Variants in LDLRAP1 observed in about 807,000 individuals in gnomAD.
LDLRAP1 encodes low density lipoprotein receptor adaptor protein 1, also known as low density lipoprotein receptor adapter protein 1.
A neutral mutation model predicts 37.8 loss-of-function variants in LDLRAP1; 30 were observed. The observed-to-expected ratio is 0.79, with a 90% confidence interval of 0.59 to 1.08. The LOEUF (loss-of-function observed/expected upper bound fraction) is 1.08. LDLRAP1 is among the 50% of genes least tolerant of loss of function. The probability of loss-of-function intolerance (pLI) is 0.00; values close to 1 mark genes in which losing one functional copy is unlikely to be tolerated. For synonymous variants in LDLRAP1, 156 were observed against 169.8 expected (o/e 0.92, Z 0.63); for missense variants, 375 against 401.6 (o/e 0.93, Z 0.57).
Position 25,562,668 on chromosome 1 carries a change from G to T in LDLRAP1, c.484G>T (p.Ala162Ser), listed in dbSNP as rs1572051282. Residue 162 changes from alanine to serine, a missense_variant, in exon 5 of 9, where the codon GCC becomes TCC. Ala to Ser is a moderately conservative substitution (Grantham distance 99, BLOSUM62 1). Coordinates refer to ENST00000374338, the MANE Select transcript of LDLRAP1 (RefSeq NM_015627.3). ...KMAQAVTLTV[A>S]QAFKVAFEFW... ...GGCACAGGCTGTTACCCTCACCGTA[G>T]CCCAGGCCTTCAAAGTCGCCTTTGA... The T allele has an allele frequency of 6.2e-7, 1 of 1,614,208 alleles. No individual in the cohort carries two copies. The highest frequency in any genetic ancestry group is 8.5e-7 in the Non-Finnish European group (1 of 1,180,032).
intron 4 of LDLRAP1, among the ~76,000 whole-genome samples, chr1:25,558,997 G>C (rs1050532768): frequency 4.6e-5 from 7 of 152,158 alleles, no homozygotes; most frequent in African/African-American, 1.7e-4. Flanking sequence ...AGAATGAGAA[G>C]GTTGCCTCAG....
At chr1:25,584,193 G>T in the LDLRAP1 span, among the ~76,000 whole-genome samples, 6 of 152,002 alleles carry the variant, frequency 3.9e-5, no homozygotes, top group Non-Finnish European at 7.4e-5. Flanking sequence ...AGCCTCCACA[G>T]TCACCTGATG....
At chr1:25,564,955 T>C (rs2044437676) in intron 7 of LDLRAP1, 1 of 580,688 alleles carries the variant, frequency 1.7e-6, no homozygotes, top group Non-Finnish European at 3.1e-6. Flanking sequence ...CCCTGGGACA[T>C]GGCCTTTCTC....
At chr1:25,565,544 C>CTT (rs34585710) in intron 8 of LDLRAP1, among the ~76,000 whole-genome samples, 8 of 142,374 alleles carry the variant, frequency 5.6e-5, no homozygotes, top group Non-Finnish European at 7.8e-5. Flanking sequence ...CAAAAATGGG[C>CTT]TTTTTTTTTT....
chr1:25,586,596 G>A, the LDLRAP1 span, among the ~76,000 whole-genome samples: 34 of 150,652 alleles, frequency 2.3e-4, no homozygotes, highest in East Asian at 6.5e-3. The surrounding 1 kb of genome is among the most constrained non-coding windows in gnomAD (Gnocchi z 4.3). Context: ...GTGTGTGTGT[G>A]TGTATGTGTT....
At chr1:25,565,485 C>G (rs1185619191) in intron 8 of LDLRAP1, among the ~76,000 whole-genome samples, 1 of 151,968 alleles carries the variant, frequency 6.6e-6, no homozygotes, top group African/African-American at 2.4e-5. Flanking sequence ...GTGAGCGAAA[C>G]ACACTGCAGC....
chr1:25,553,491 G>T (rs913124788), intron 1 of LDLRAP1: 1 of 213,974 alleles, frequency 4.7e-6, no homozygotes, highest in African/African-American at 2.3e-5. Flanking sequence ...GGATTAATGA[G>T]AACATTTTAT....
At chr1:25,553,622 C>T (rs903251285) in intron 1 of LDLRAP1, 22 of 406,562 alleles carry the variant, frequency 5.4e-5, no homozygotes, top group South Asian at 3.2e-4. Flanking sequence ...GAGGCTGAGG[C>T]GGGCAGATCA....
chr1:25,562,827 CTG>C (rs1183813677), intron 5 of LDLRAP1, 111 bp downstream of exon 5: 2 of 1,002,956 alleles, frequency 2.0e-6, no homozygotes, highest in African/African-American at 1.6e-5. Flanking sequence ...TGGCTTGTGA[CTG>C]TGAGCAGGTC....
At chr1:25,587,805 G>C in the LDLRAP1 span, among the ~76,000 whole-genome samples, 1 of 152,044 alleles carries the variant, frequency 6.6e-6, no homozygotes, top group Non-Finnish European at 1.5e-5. Flanking sequence ...TCAAATCTAG[G>C]GTCCACCGCA....
Position 25,563,141 on chromosome 1 carries a change from T to G in LDLRAP1, c.604T>G (p.Ser202Ala), listed in dbSNP as rs6687605. ...VLGARQDCTPSLKSLVATGNL... is the reference protein window; with the variant it reads ...VLGARQDCTPALKSLVATGNL... The stretch of plus-strand genomic sequence containing the variant: ...GGGGGCCCGCCAAGACTGCACCCCC[T>G]CCTTGAAGAGCTGTGAGTCCTGACG... Residue 202 changes from serine (S) to alanine (A), a missense_variant, in exon 6 of 9, where the codon TCC (serine) becomes GCC (alanine). Coordinates refer to ENST00000374338, the MANE Select transcript of LDLRAP1 (RefSeq NM_015627.3). 6.8e-6 allele frequency: 11 copies of G among 1,612,210 alleles called. No individual in the cohort carries two copies. The highest frequency in any genetic ancestry group is 6.6e-5 in the South Asian group (6 of 91,016).
intron 1 of LDLRAP1, chr1:25,550,032 G>T (rs1357504021): frequency 6.6e-6 from 1 of 152,416 alleles, no homozygotes; most frequent in Admixed American, 6.5e-5. Flanking sequence ...GACATGAATG[G>T]CAGGTACTTT....
At chr1:25,575,328 G>A in the LDLRAP1 span, among the ~76,000 whole-genome samples, 1 of 149,540 alleles carries the variant, frequency 6.7e-6, no homozygotes, top group Non-Finnish European at 1.5e-5. Context: ...GCTCATGCCT[G>A]TAATCCAAGC....
In LDLRAP1 at chr1:25,544,881, G is replaced by A. The variant is rs2043895496; in HGVS notation, c.88+1095G>A. Among the ~76,000 whole-genome samples the A allele has an allele frequency of 2.0e-5, 3 of 152,184 alleles. No individual in the cohort carries two copies. Among genetic ancestry groups the A allele is most frequent in the African/African-American group, 4.8e-5 (2 of 41,444 alleles). ...ATCCCATCCCCTCTTGGCCTTACAG[G>A]GCTCTGCCAGGGGAGCCCGAGCTCC... On this transcript the variant is annotated intron_variant, in intron 1 of 8. Transcript: ENST00000374338. The surrounding 1 kb of genome is among the most constrained non-coding windows in gnomAD (Gnocchi z 4.8).
At chr1:25,559,221 C>A (rs1202806518) in intron 4 of LDLRAP1, among the ~76,000 whole-genome samples, 1 of 152,114 alleles carries the variant, frequency 6.6e-6, no homozygotes, top group African/African-American at 2.4e-5. Context: ...CCCCATTGTT[C>A]ATCTCTTCCT....
chr1:25,566,824 G>C (rs369749841), intron 8 of LDLRAP1, 24 bp from the exon 9 acceptor site: 2 of 1,599,858 alleles, frequency 1.3e-6, no homozygotes, highest in Non-Finnish European at 1.7e-6. Context: ...CCAGGCTCTC[G>C]GCTCACACAG....
intron 7 of LDLRAP1, 179 bp from the exon 8 acceptor site, chr1:25,564,994 T>C (rs2124696259): frequency 1.5e-6 from 1 of 679,320 alleles, no homozygotes. Flanking sequence ...TTTGGGTCCT[T>C]GGGCTGAGAT....
At chr1:25,545,058 T>C (rs1030040747) in intron 1 of LDLRAP1, among the ~76,000 whole-genome samples, 4 of 152,028 alleles carry the variant, frequency 2.6e-5, no homozygotes, top group Non-Finnish European at 5.9e-5. Context: ...GGGGGTGGGG[T>C]CAGAGACCCA....
the LDLRAP1 span, among the ~76,000 whole-genome samples, chr1:25,576,619 G>A: frequency 3.3e-5 from 5 of 152,226 alleles, no homozygotes; most frequent in African/African-American, 7.2e-5. Context: ...TTGGGTGCCC[G>A]GCCAGTGGTG....
Sources: gnomAD v4.1 joint callset for allele counts (sites outside exome capture counted in the v4.1 genomes callset) on GRCh38, gnomAD v4.1.1 for gene constraint, Gnocchi (gnomAD v3.1) non-coding constraint, MANE v1.5 for transcripts, NCBI Gene and HGNC (gene_info 2026-07-23, HGNC 2026-07-21) for gene names.